The following TRPC4 variants were observed in gnomAD, a reference collection of about 807,000 sequenced individuals.
The protein encoded by TRPC4 is short transient receptor potential channel 4.
In TRPC4, 49 loss-of-function variants were observed where a neutral mutation model predicts 99.4. The observed-to-expected ratio is 0.49, with a 90% CI of 0.39 to 0.63. TRPC4 has a LOEUF of 0.63. TRPC4 is among the 20% of genes least tolerant of loss of function. The pLI, the probability that TRPC4 is intolerant of heterozygous loss-of-function variation, is 0.00. For missense variants in TRPC4, 898 were observed against 1,152.9 expected, an observed-to-expected ratio of 0.78 and a Z score of 3.20; for synonymous variants, 454 against 425.9, an observed-to-expected ratio of 1.07 and a Z score of -0.81.
chr13:37,822,633 G>C (rs2139542137), intron 1 of TRPC4, among the ~76,000 whole-genome samples: 1 of 151,770 alleles, frequency 6.6e-6, no homozygotes, highest in Middle Eastern at 3.4e-3. Context: ...GTATTCCATG[G>C]TGTATATGTG....
chr13:37,658,727 A>C (rs1952327093), intron 6 of TRPC4, among the ~76,000 whole-genome samples: 1 of 152,190 alleles, frequency 6.6e-6, no homozygotes, highest in Non-Finnish European at 1.5e-5. Context: ...AGTTTCAACA[A>C]CTAAATATTT....
intron 3 of TRPC4, among the ~76,000 whole-genome samples, chr13:37,723,205 AG>A (rs1852017609): frequency 6.6e-6 from 1 of 152,308 alleles, no homozygotes; most frequent in African/African-American, 2.4e-5. Flanking sequence ...AAATAACAAA[AG>A]CATATGATTA....
intron 3 of TRPC4, among the ~76,000 whole-genome samples, chr13:37,738,746 A>G (rs944431787): frequency 1.3e-5 from 2 of 152,126 alleles, no homozygotes; most frequent in Non-Finnish European, 2.9e-5. Context: ...AATGTTATGA[A>G]TGTTCCCACC....
At chr13:37,672,867 T>C (rs928651393) in intron 5 of TRPC4, among the ~76,000 whole-genome samples, 4 of 152,234 alleles carry the variant, frequency 2.6e-5, no homozygotes, top group African/African-American at 9.6e-5. Context: ...ATAAAATTGA[T>C]AGAAATTGCT....
Position 37,651,894 on chromosome 13 carries a change from A to G in TRPC4, c.1885-435T>C, listed in dbSNP as rs376087129. On this transcript the variant is annotated intron_variant, in intron 7 of 10. Coordinates refer to ENST00000379705, the MANE Select transcript of TRPC4 (RefSeq NM_016179.4). ...ACAGATGCTCATGGCTTAGCCTTCAATGTTGCCAGGAAAAGTCTTATTGGA... is the reference window on the plus strand; with the variant it reads ...ACAGATGCTCATGGCTTAGCCTTCAGTGTTGCCAGGAAAAGTCTTATTGGA... Among the ~76,000 whole-genome samples, 7 of 152,314 alleles carry G rather than the reference A, an allele frequency of 4.6e-5. No individual in the cohort carries two copies. The South Asian group carries it at 8.3e-4, about 18-fold the overall frequency.
chr13:37,759,727 G>C (rs1007151047), intron 2 of TRPC4, among the ~76,000 whole-genome samples: 1 of 151,866 alleles, frequency 6.6e-6, no homozygotes, highest in South Asian at 2.1e-4. Flanking sequence ...ATGGAGACAG[G>C]CTCCCCCATT....
chr13:37,719,759 A>G (rs1287636771), intron 3 of TRPC4, among the ~76,000 whole-genome samples: 1 of 151,882 alleles, frequency 6.6e-6, no homozygotes, highest in East Asian at 1.9e-4. Context: ...AATTGAGGGT[A>G]TTGTGGCAGA....
intron 6 of TRPC4, among the ~76,000 whole-genome samples, chr13:37,660,958 C>T (rs890868949): frequency 7.2e-5 from 11 of 152,074 alleles, no homozygotes; most frequent in African/African-American, 2.7e-4. Context: ...AAGCCTAGGA[C>T]CTCCTGCTTC....
chr13:37,827,854 G>T (rs879849443), intron 1 of TRPC4, among the ~76,000 whole-genome samples: 110 of 152,344 alleles, frequency 7.2e-4, no homozygotes, highest in Non-Finnish European at 1.1e-3. Flanking sequence ...GGCAATGGCG[G>T]GTGCCCCTCC....
intron 1 of TRPC4, among the ~76,000 whole-genome samples, chr13:37,840,652 A>G (rs1342046485): frequency 6.6e-6 from 1 of 151,998 alleles, no homozygotes; most frequent in African/African-American, 2.4e-5. Context: ...TTATTATTTA[A>G]AAAGATTAAT....
At chr13:37,762,970 T>C (rs547364072) in intron 2 of TRPC4, among the ~76,000 whole-genome samples, 1 of 151,776 alleles carries the variant, frequency 6.6e-6, no homozygotes, top group East Asian at 2.0e-4. Flanking sequence ...TGGTTAAGAT[T>C]AGATGGAATC....
intron 3 of TRPC4, among the ~76,000 whole-genome samples, chr13:37,738,797 AG>A: frequency 6.6e-6 from 1 of 152,280 alleles, no homozygotes; most frequent in Admixed American, 6.5e-5. Context: ...GTGGGCATTA[AG>A]AAAGGTAAAA....
chr13:37,734,925 A>G (rs529321090), intron 3 of TRPC4, among the ~76,000 whole-genome samples: 2 of 152,208 alleles, frequency 1.3e-5, no homozygotes, highest in Middle Eastern at 3.4e-3. Flanking sequence ...TGCAGAGGGC[A>G]TGCCACTCCG....
intron 1 of TRPC4, among the ~76,000 whole-genome samples, chr13:37,849,398 C>T (rs1173248239): frequency 1.3e-5 from 2 of 152,020 alleles, no homozygotes; most frequent in Non-Finnish European, 2.9e-5. Context: ...TTGTTTTTGA[C>T]CATGCAATAA....
At position 37,712,225 on chromosome 13, in the gene TRPC4, C is replaced by T. The variant is rs552857489; in HGVS notation, c.898-19890G>A. ...GATTGCCTTTCTCTCCAAAGATTGA[C>T]AAGTGGGCAGTCAACTGATGATCCC... On this transcript the variant is annotated intron_variant, in intron 3 of 10. Transcript: ENST00000379705. 2.0e-5 allele frequency among the ~76,000 whole-genome samples: 3 copies of T among 152,236 alleles called. No individual in the cohort carries two copies. The South Asian group carries it at 6.2e-4, about 32-fold the overall frequency.
chr13:37,698,008 G>A (rs561041451), intron 3 of TRPC4, among the ~76,000 whole-genome samples: 1 of 151,804 alleles, frequency 6.6e-6, no homozygotes, highest in South Asian at 2.1e-4. Context: ...ATAGGGACAA[G>A]CCATACAGTG....
chr13:37,867,706 G>T (rs1959856540), intron 1 of TRPC4, among the ~76,000 whole-genome samples: 1 of 152,006 alleles, frequency 6.6e-6, no homozygotes, highest in Non-Finnish European at 1.5e-5. Context: ...ACAACATCTA[G>T]TTCACAAAAA....
At chr13:37,681,312 C>T (rs1055797474) in intron 4 of TRPC4, among the ~76,000 whole-genome samples, 6 of 152,178 alleles carry the variant, frequency 3.9e-5, no homozygotes, top group African/African-American at 1.2e-4. Context: ...TACTTCACTT[C>T]TGACCTTTGA....
intron 2 of TRPC4, among the ~76,000 whole-genome samples, chr13:37,750,024 A>G (rs906019242): frequency 1.3e-5 from 2 of 152,134 alleles, no homozygotes; most frequent in Non-Finnish European, 2.9e-5. Context: ...ATACTCACAG[A>G]TTTAATGGTT....
Sources: gnomAD v4.1 joint callset for allele counts (sites outside exome capture counted in the v4.1 genomes callset) on GRCh38, gnomAD v4.1.1 for gene constraint, MANE v1.5 for transcripts, NCBI Gene and HGNC (gene_info 2026-07-23, HGNC 2026-07-21) for gene names.